NKAIN3: variants seen among roughly 807,000 people sequenced by gnomAD.
NKAIN3 encodes the protein sodium/potassium transporting ATPase interacting 3.
In NKAIN3, 25 loss-of-function variants were observed where a neutral mutation model predicts 30.2. The observed-to-expected ratio is 0.83, with a 90% CI of 0.60 to 1.16. The LOEUF (loss-of-function observed/expected upper bound fraction) is 1.16. Ranked by LOEUF, NKAIN3 falls within the 50% of genes most tolerant of loss-of-function variation. The pLI is 0.00. For missense variants in NKAIN3, 225 were observed against 254.1 expected (o/e 0.89, Z 0.78); for synonymous variants, 91 against 89.6 (o/e 1.02, Z -0.09).
chr8:62,444,339 T>C (rs781643765), intron 1 of NKAIN3, among the ~76,000 whole-genome samples: 4 of 152,114 alleles, frequency 2.6e-5, no homozygotes, highest in African/African-American at 4.8e-5. Flanking sequence ...CACTAGACCT[T>C]ATTTCTTCTT....
intron 5 of NKAIN3, among the ~76,000 whole-genome samples, chr8:62,945,344 C>CT (rs1823091830): frequency 6.6e-6 from 1 of 152,168 alleles, no homozygotes; most frequent in Non-Finnish European, 1.5e-5. Context: ...CTACTACTAG[C>CT]TGATGAGGTT....
chr8:62,733,425 A>G (rs1815545069), intron 3 of NKAIN3, among the ~76,000 whole-genome samples: 2 of 152,198 alleles, frequency 1.3e-5, no homozygotes, highest in African/African-American at 4.8e-5. Context: ...GTTTAATCAG[A>G]TATATATCTA....
chr8:62,855,233 T>G, intron 4 of NKAIN3: 1 of 402,860 alleles, frequency 2.5e-6, no homozygotes, highest in Non-Finnish European at 4.7e-6. Flanking sequence ...GAAACACATT[T>G]TAACTGGCTG....
intron 1 of NKAIN3, among the ~76,000 whole-genome samples, chr8:62,399,541 A>C (rs1817871822): frequency 6.6e-6 from 1 of 152,216 alleles, no homozygotes; most frequent in African/African-American, 2.4e-5. Flanking sequence ...AAAGAAATAC[A>C]TATTCAGTGC....
intron 4 of NKAIN3, among the ~76,000 whole-genome samples, chr8:62,899,594 C>T (rs1469738804): frequency 6.6e-6 from 1 of 151,648 alleles, no homozygotes; most frequent in Admixed American, 6.6e-5. Flanking sequence ...GGAAGGGTAG[C>T]GGGAGGGGTT....
chr8:62,602,714 A>T (rs899579318), intron 3 of NKAIN3, among the ~76,000 whole-genome samples: 1 of 152,090 alleles, frequency 6.6e-6, no homozygotes, highest in Non-Finnish European at 1.5e-5. Context: ...TCTTAAGATT[A>T]TGCTGGAGGG....
chr8:62,257,483 A>T (rs1375260532), intron 1 of NKAIN3, among the ~76,000 whole-genome samples: 2 of 152,086 alleles, frequency 1.3e-5, no homozygotes, highest in Admixed American at 1.3e-4. Context: ...CTGCCAAGAG[A>T]TGTATTGAAT....
intron 3 of NKAIN3, among the ~76,000 whole-genome samples, chr8:62,681,235 G>A (rs1188526407): frequency 6.6e-6 from 1 of 152,138 alleles, no homozygotes; most frequent in Non-Finnish European, 1.5e-5. Flanking sequence ...GTTTGTAACT[G>A]CAGTGTTATT....
rs1223565769 is a variant in NKAIN3 at position 62,970,282 on chromosome 8, GA to G, written c.*4877del. Among the ~76,000 whole-genome samples, 5 of 151,916 alleles carry G rather than the reference GA, an allele frequency of 3.3e-5. No individual in the cohort carries two copies. The highest frequency in any genetic ancestry group is 1.3e-4 in the Admixed American group (2 of 15,236). ...TTAGAAGAAGGTATTTATCAATAAA[GA>G]ATTCTCAAAAAAATGGAATTATCAA... On this transcript the variant is annotated 3_prime_UTR_variant, in exon 7 of 7. Coordinates refer to ENST00000623646, the MANE Select transcript of NKAIN3 (RefSeq NM_001304533.3).
chr8:62,593,955 C>T (rs980440347), intron 3 of NKAIN3, among the ~76,000 whole-genome samples: 4 of 151,960 alleles, frequency 2.6e-5, no homozygotes, highest in African/African-American at 4.8e-5. Context: ...TCTTTAATTT[C>T]TATAGGGAAA....
intron 1 of NKAIN3, among the ~76,000 whole-genome samples, chr8:62,348,371 G>A (rs1025364350): frequency 3.3e-5 from 5 of 152,146 alleles, no homozygotes; most frequent in Admixed American, 1.3e-4. Flanking sequence ...ATTTAAAAAC[G>A]TTAACAAATT....
chr8:62,533,006 C>T (rs576784400), intron 1 of NKAIN3, among the ~76,000 whole-genome samples: 16 of 152,282 alleles, frequency 1.1e-4, no homozygotes, highest in South Asian at 4.1e-4. Context: ...ACTCTTTAGA[C>T]ACTTAGATAC....
chr8:62,965,289 A>C, intron 6 of NKAIN3, 65 bp from the exon 7 acceptor site: 4 of 985,740 alleles, frequency 4.1e-6, no homozygotes, highest in Non-Finnish European at 4.8e-6. Context: ...GGCCTCAATG[A>C]ATATAAAAGA....
chr8:62,614,797 A>T (rs1258649649), intron 3 of NKAIN3, among the ~76,000 whole-genome samples: 2 of 141,958 alleles, frequency 1.4e-5, no homozygotes, highest in Non-Finnish European at 3.1e-5. Context: ...CCACAGACCC[A>T]TGGGGAGTAC....
intron 4 of NKAIN3, among the ~76,000 whole-genome samples, chr8:62,894,971 T>C (rs560869912): frequency 6.6e-6 from 1 of 152,316 alleles, no homozygotes; most frequent in South Asian, 2.1e-4. Context: ...AGAGCTTTCT[T>C]GAAAATCCCA....
intron 4 of NKAIN3, among the ~76,000 whole-genome samples, chr8:62,790,601 GTC>G (rs1563563038): frequency 3.4e-5 from 5 of 147,342 alleles, no homozygotes; most frequent in South Asian, 2.2e-4. Context: ...GTGTGTGTGT[GTC>G]TGTCTGTGTG....
chr8:62,327,770 A>T (rs2129589824), intron 1 of NKAIN3, among the ~76,000 whole-genome samples: 1 of 152,070 alleles, frequency 6.6e-6, no homozygotes, highest in South Asian at 2.1e-4. Context: ...CGGCTACTTC[A>T]TGCCCCTGAG....
At chr8:62,645,172 C>A (rs941496461) in intron 3 of NKAIN3, among the ~76,000 whole-genome samples, 3 of 152,012 alleles carry the variant, frequency 2.0e-5, no homozygotes, top group African/African-American at 7.2e-5. Context: ...CTGTTAACAG[C>A]GGACCACTCT....
chr8:62,632,644 A>G (rs1363126046), intron 3 of NKAIN3, among the ~76,000 whole-genome samples: 1 of 152,060 alleles, frequency 6.6e-6, no homozygotes, highest in African/African-American at 2.4e-5. Context: ...CTGGGATTAC[A>G]GCCGTGTGCC....
Sources: allele counts gnomAD v4.1 joint callset (sites outside exome capture counted in the v4.1 genomes callset), GRCh38; gene constraint gnomAD v4.1.1; transcripts MANE v1.5; gene names NCBI Gene and HGNC (gene_info 2026-07-23, HGNC 2026-07-21).